FBLN5: variants seen among roughly 807,000 people sequenced by gnomAD.
The protein encoded by FBLN5 is fibulin-5.
FBLN5 carries 24 observed loss-of-function variants against 61.6 expected under a neutral mutation model. That is an observed-to-expected ratio of 0.39 (90% CI 0.28 to 0.55). The LOEUF is 0.55. Ranked by LOEUF, FBLN5 falls within the 20% of genes least tolerant of loss-of-function variation. FBLN5 has a pLI of 0.65. For missense variants in FBLN5, 470 were observed against 594.1 expected, an observed-to-expected ratio of 0.79 and a Z score of 2.17; for synonymous variants, 213 against 219.8, an observed-to-expected ratio of 0.97 and a Z score of 0.27.
intron 4 of FBLN5, among the ~76,000 whole-genome samples, chr14:91,908,952 T>C (rs1031237290): frequency 6.6e-6 from 1 of 151,990 alleles, no homozygotes; most frequent in African/African-American, 2.4e-5. Flanking sequence ...GGAGTCTCAC[T>C]CGTCGCTCAG....
intron 4 of FBLN5, among the ~76,000 whole-genome samples, chr14:91,930,727 G>T (rs566156735): frequency 1.3e-5 from 2 of 152,182 alleles, no homozygotes; most frequent in South Asian, 4.2e-4. Context: ...TACTTGCCCC[G>T]GCCTTTATGC....
intron 3 of FBLN5, 125 bp from the exon 4 acceptor site, chr14:91,937,326 T>C: frequency 1.6e-6 from 2 of 1,243,886 alleles, no homozygotes; most frequent in African/African-American, 3.0e-5. Context: ...TGGTCCCAAC[T>C]CATCGCGGTA....
At chr14:91,927,215 C>T (rs1048782186) in intron 4 of FBLN5, among the ~76,000 whole-genome samples, 3 of 152,234 alleles carry the variant, frequency 2.0e-5, no homozygotes, top group Non-Finnish European at 2.9e-5. Context: ...GGCACACACT[C>T]TCCATAAAAT....
chr14:91,939,816 T>C (rs2056079066), intron 3 of FBLN5: 4 of 395,812 alleles, frequency 1.0e-5, no homozygotes, highest in Non-Finnish European at 2.0e-5. Context: ...GGAATTAAGG[T>C]AGCAGCTGGA....
At chr14:91,907,539 G>C (rs1890732635) in intron 4 of FBLN5, among the ~76,000 whole-genome samples, 1 of 152,158 alleles carries the variant, frequency 6.6e-6, no homozygotes, top group East Asian at 1.9e-4. Flanking sequence ...TACAGTCAGA[G>C]AGCCGGGGGG....
intron 4 of FBLN5, among the ~76,000 whole-genome samples, chr14:91,933,463 T>C (rs1029655986): frequency 2.0e-5 from 3 of 152,074 alleles, no homozygotes; most frequent in Non-Finnish European, 2.9e-5. Context: ...TTAGGGGGTT[T>C]CATCATGTTG....
At position 91,891,343 on chromosome 14, in the gene FBLN5, A is replaced by T. The variant is rs1438603031; in HGVS notation, c.503-6T>A. On this transcript the variant is annotated splice_region_variant and splice_polypyrimidine_tract_variant and intron_variant, in intron 5 of 10. Transcript: ENST00000342058. The stretch of plus-strand genomic sequence containing the variant: ...ATAGCGACATTCATCAATGTCTGGA[A>T]ACAGAAATGCAAGCAAAGTGAGACA... The T allele has an allele frequency of 6.3e-7, 1 of 1,589,580 alleles. No individual in the cohort carries two copies.
chr14:91,871,854 A>T (rs933097493), intron 10 of FBLN5, among the ~76,000 whole-genome samples: 5 of 93,778 alleles, frequency 5.3e-5, no homozygotes, highest in African/African-American at 9.6e-5. Flanking sequence ...GACTCCAGCT[A>T]AAAAAAAAAA....
chr14:91,946,851 C>G, intron 1 of FBLN5: 2 of 1,506,478 alleles, frequency 1.3e-6, no homozygotes, highest in Non-Finnish European at 1.8e-6. Flanking sequence ...GCAGTAATTG[C>G]TAGTGAACTA....
chr14:91,940,535 C>A, intron 3 of FBLN5, 30 bp downstream of exon 3: 1 of 1,586,992 alleles, frequency 6.3e-7, no homozygotes, highest in Admixed American at 1.7e-5. Flanking sequence ...AATGCCTCCA[C>A]CCCAATGAAG....
In FBLN5 at chr14:91,894,835, C is replaced by G; in HGVS notation, c.502+115G>C. The G allele has an allele frequency of 6.9e-6, 4 of 582,840 alleles. No individual in the cohort carries two copies. The Admixed American group carries it at 8.8e-5, about 13-fold the overall frequency. The allele number at this position is 582,840 out of a possible 1,614,324, so 36.1% of individuals were successfully genotyped here. A position where few individuals can be genotyped will look rare whatever the true frequency, so the allele number is the denominator to read the frequency against. On this transcript the variant is annotated intron_variant, in intron 5 of 10. Coordinates refer to ENST00000342058, the MANE Select transcript of FBLN5 (RefSeq NM_006329.4). Reference sequence around the variant, plus strand: ...AATAGCCTTCCACCCCTCCCGCCCTCCCTAGCAAAGAAAAGCTTACTACCC... The same window carrying G: ...AATAGCCTTCCACCCCTCCCGCCCTGCCTAGCAAAGAAAAGCTTACTACCC...
rs1566826228 is a variant in FBLN5, at chr14:91,931,915, C to G, written c.379+5032G>C. Among the ~76,000 whole-genome samples, 5 of 152,210 alleles carry G rather than the reference C, an allele frequency of 3.3e-5. No homozygotes were observed. In the South Asian group the frequency reaches 8.3e-4, roughly 25 times the overall value. On this transcript the variant is annotated intron_variant, in intron 4 of 10. Transcript: ENST00000342058. ...ACTCGGCACCAGCTCACCCCACCCC[C>G]TGAGGCTTCAGCACCACACCATCCT...
At chr14:91,929,562 T>C (rs945353838) in intron 4 of FBLN5, among the ~76,000 whole-genome samples, 2 of 152,242 alleles carry the variant, frequency 1.3e-5, no homozygotes, top group African/African-American at 4.8e-5. Context: ...TTCTTACTAA[T>C]GTCTCATCTC....
chr14:91,919,497 T>A (rs530446142), intron 4 of FBLN5, among the ~76,000 whole-genome samples: 1 of 151,962 alleles, frequency 6.6e-6, no homozygotes, highest in Admixed American at 6.5e-5. Context: ...TGTCCTGTGT[T>A]ATAGGGTGAA....
chr14:91,872,621 C>T (rs1451326043), intron 10 of FBLN5, among the ~76,000 whole-genome samples: 1 of 152,212 alleles, frequency 6.6e-6, no homozygotes, highest in Non-Finnish European at 1.5e-5. Context: ...AGGCCAGGCG[C>T]TGGGACCTCC....
In FBLN5 at chr14:91,929,513, A is replaced by G. The variant is rs554399193; in HGVS notation, c.379+7434T>C. 2.6e-5 allele frequency among the ~76,000 whole-genome samples: 4 copies of G among 152,348 alleles called. No individual in the cohort carries two copies. In the South Asian group the frequency reaches 8.3e-4, roughly 32 times the overall value. The stretch of plus-strand genomic sequence containing the variant: ...GAGGCCAAGTGGCTTTCTAAATGTC[A>G]CACAGCTAATAAGTAGCAAATCTGG... On this transcript the variant is annotated intron_variant, in intron 4 of 10. Transcript: ENST00000342058.
At chr14:91,896,255 A>G (rs950991810) in intron 4 of FBLN5, among the ~76,000 whole-genome samples, 3 of 152,170 alleles carry the variant, frequency 2.0e-5, no homozygotes, top group Non-Finnish European at 4.4e-5. Flanking sequence ...GAGACTTTTC[A>G]TTAAATATTC....
chr14:91,924,879 C>T (rs2055801569), intron 4 of FBLN5, among the ~76,000 whole-genome samples: 1 of 152,126 alleles, frequency 6.6e-6, no homozygotes, highest in South Asian at 2.1e-4. Flanking sequence ...CGGAGAAGGC[C>T]ACCCCTCACT....
intron 1 of FBLN5, among the ~76,000 whole-genome samples, chr14:91,944,634 C>T (rs1267488755): frequency 2.6e-5 from 4 of 152,196 alleles, no homozygotes; most frequent in Non-Finnish European, 5.9e-5. Context: ...GAAGGAAATT[C>T]TGACACATGC....
Sources: allele counts gnomAD v4.1 joint callset (sites outside exome capture counted in the v4.1 genomes callset), GRCh38; gene constraint gnomAD v4.1.1; transcripts MANE v1.5; gene names NCBI Gene and HGNC (gene_info 2026-07-23, HGNC 2026-07-21).